Variants in LIN28B observed in about 807,000 individuals in gnomAD.
LIN28B encodes protein lin-28 homolog B.
A neutral mutation model predicts 21.9 loss-of-function variants in LIN28B; 5 were observed. The ratio of observed to expected loss-of-function variants is 0.23; its 90% CI spans 0.12 to 0.48. The LOEUF is 0.48. LIN28B is among the 20% of genes least tolerant of loss of function. The pLI is 0.98. For missense variants in LIN28B, 245 were observed against 310.5 expected, an observed-to-expected ratio of 0.79 and a Z score of 1.58; for synonymous variants, 109 against 111.3, an observed-to-expected ratio of 0.98 and a Z score of 0.13.
chr6:105,047,991 CT>C (rs1771806499), intron 3 of LIN28B, among the ~76,000 whole-genome samples: 2 of 152,178 alleles, frequency 1.3e-5, no homozygotes, highest in South Asian at 4.1e-4. Context: ...TCCTCTTTTC[CT>C]AATTGAATAC....
rs1444491096 is a variant in LIN28B, at chr6:105,080,222, G to A, written c.*1439G>A. The stretch of plus-strand genomic sequence containing the variant: ...GTCATGGAAAAAAAAATTATTTTGG[G>A]GTCATCCTGGCTCTAGATGTTATGG... On this transcript the variant is annotated 3_prime_UTR_variant, in exon 4 of 4. Transcript: ENST00000345080. 1 of 152,500 alleles carries A rather than the reference G, an allele frequency of 6.6e-6. No individual in the cohort carries two copies. Among genetic ancestry groups the A allele is most frequent in the Non-Finnish European group, 1.5e-5 (1 of 68,032 alleles). The allele number at this position is 152,500 out of a possible 1,614,324, so 9.4% of individuals were successfully genotyped here. A position where few individuals can be genotyped will look rare whatever the true frequency, so the allele number is the denominator to read the frequency against.
intron 2 of LIN28B, among the ~76,000 whole-genome samples, chr6:104,969,915 C>G (rs889473231): frequency 6.6e-6 from 1 of 152,144 alleles, no homozygotes; most frequent in African/African-American, 2.4e-5. Flanking sequence ...TAAACAAACA[C>G]AAAACACTTT....
chr6:104,999,793 G>A (rs372637430), intron 2 of LIN28B, among the ~76,000 whole-genome samples: 5 of 152,002 alleles, frequency 3.3e-5, no homozygotes, highest in African/African-American at 1.2e-4. Flanking sequence ...TGATTCTCCT[G>A]CCTCAGCCCC....
intron 2 of LIN28B, among the ~76,000 whole-genome samples, chr6:104,991,890 A>C (rs1174378904): frequency 6.6e-6 from 1 of 152,132 alleles, no homozygotes; most frequent in Non-Finnish European, 1.5e-5. Flanking sequence ...GTGCGCCTGC[A>C]ATCGCAGGCA....
chr6:105,023,348 TA>T (rs1333718962), intron 2 of LIN28B, among the ~76,000 whole-genome samples: 1 of 18,436 alleles, frequency 5.4e-5, no homozygotes, highest in African/African-American at 2.4e-4. Flanking sequence ...TTATATATAA[TA>T]TATATAATTA....
At chr6:105,001,564 A>C (rs578202575) in intron 2 of LIN28B, among the ~76,000 whole-genome samples, 6 of 152,350 alleles carry the variant, frequency 3.9e-5, no homozygotes, top group African/African-American at 1.4e-4. Context: ...AGGTTTGATA[A>C]GTATCAGGAA....
intron 3 of LIN28B, among the ~76,000 whole-genome samples, chr6:105,075,215 T>G (rs1268683830): frequency 6.6e-6 from 1 of 152,216 alleles, no homozygotes; most frequent in Non-Finnish European, 1.5e-5. Context: ...TGGACACACA[T>G]GATATTTTTA....
chr6:104,961,554 C>T (rs1396039010), intron 2 of LIN28B, among the ~76,000 whole-genome samples: 1 of 152,052 alleles, frequency 6.6e-6, no homozygotes, highest in Non-Finnish European at 1.5e-5. Context: ...GTGCCCGCCA[C>T]CACGCCTAGC....
chr6:105,063,236 A>T (rs1772154821), intron 3 of LIN28B, among the ~76,000 whole-genome samples: 1 of 152,122 alleles, frequency 6.6e-6, no homozygotes, highest in Non-Finnish European at 1.5e-5. Context: ...ATCTTTTTGT[A>T]TTTATGCTCT....
At chr6:104,966,782 C>T (rs13362606) in intron 2 of LIN28B, among the ~76,000 whole-genome samples, 5,240 of 152,080 alleles carry the variant, frequency 0.034, 175 homozygotes, top group African/African-American at 0.082. Flanking sequence ...CCACCACGCC[C>T]GGCTAATTTT....
intron 2 of LIN28B, among the ~76,000 whole-genome samples, chr6:105,011,477 A>G (rs1770921144): frequency 6.6e-6 from 1 of 152,208 alleles, no homozygotes; most frequent in African/African-American, 2.4e-5. Flanking sequence ...GGCGTGAGCC[A>G]CTGTGCCTGC....
intron 2 of LIN28B, among the ~76,000 whole-genome samples, chr6:105,007,686 G>C (rs1770844600): frequency 6.6e-6 from 1 of 151,830 alleles, no homozygotes; most frequent in Non-Finnish European, 1.5e-5. Flanking sequence ...CACCACACCT[G>C]GCAAATTTTT....
rs149448364 is a variant in LIN28B at position 105,011,182 on chromosome 6, A to G, written c.199-15116A>G. ...AAAAAATTCAGTTTCCCTAACTAAC[A>G]TCAGTGTTCCTCCTTTTTATTTTTT... On this transcript the variant is annotated intron_variant, in intron 2 of 3. Transcript: ENST00000345080. 2.5e-3 allele frequency among the ~76,000 whole-genome samples: 377 copies of G among 152,226 alleles called. 3 individuals carry two copies. The highest frequency in any genetic ancestry group is 8.9e-3 in the African/African-American group (368 of 41,552).
chr6:105,037,804 C>G (rs1771555808), intron 3 of LIN28B, among the ~76,000 whole-genome samples: 1 of 151,980 alleles, frequency 6.6e-6, no homozygotes. Context: ...AGCTACTGCG[C>G]CCGGCCAAGA....
chr6:105,055,778 T>G (rs778670966), intron 3 of LIN28B, among the ~76,000 whole-genome samples: 3 of 152,056 alleles, frequency 2.0e-5, no homozygotes, highest in Admixed American at 2.0e-4. Flanking sequence ...CTTCCTTCCC[T>G]CCACCCTTCA....
chr6:105,064,106 T>C (rs907138073), intron 3 of LIN28B, among the ~76,000 whole-genome samples: 5 of 152,114 alleles, frequency 3.3e-5, no homozygotes, highest in African/African-American at 9.7e-5. Context: ...TAAATGTTTC[T>C]TGCATCTTAT....
chr6:104,986,727 A>T (rs1210208138), intron 2 of LIN28B, among the ~76,000 whole-genome samples: 1 of 152,186 alleles, frequency 6.6e-6, no homozygotes, highest in African/African-American at 2.4e-5. Context: ...TCAGAATACA[A>T]AACATTGCTC....
chr6:104,998,881 A>G (rs1280195555), intron 2 of LIN28B, among the ~76,000 whole-genome samples: 3 of 152,188 alleles, frequency 2.0e-5, no homozygotes, highest in East Asian at 1.9e-4. Context: ...CATTTTAACT[A>G]TATTTTTATT....
intron 2 of LIN28B, among the ~76,000 whole-genome samples, chr6:104,965,215 A>G (rs981160339): frequency 2.6e-5 from 4 of 152,152 alleles, no homozygotes; most frequent in Non-Finnish European, 5.9e-5. Flanking sequence ...TGTGGCATTG[A>G]ATATTGTTTT....
Sources: allele counts gnomAD v4.1 joint callset (sites outside exome capture counted in the v4.1 genomes callset), GRCh38; gene constraint gnomAD v4.1.1; transcripts MANE v1.5; gene names NCBI Gene and HGNC (gene_info 2026-07-23, HGNC 2026-07-21).